NUS1: variants seen among roughly 807,000 people sequenced by gnomAD.
NUS1 encodes NUS1 dehydrodolichyl diphosphate synthase subunit.
For synonymous variants in NUS1, 135 were observed against 155.2 expected (o/e 0.87, Z 0.97); for missense variants, 292 against 382.9 (o/e 0.76, Z 1.98).
chr6:117,685,876 C>T (rs538367015), intron 1 of NUS1, among the ~76,000 whole-genome samples: 106 of 151,860 alleles, frequency 7.0e-4, no homozygotes, highest in African/African-American at 2.5e-3. Context: ...TCAGGAGAAT[C>T]ACTTGAACCC....
intron 3 of NUS1, among the ~76,000 whole-genome samples, chr6:117,696,835 A>G (rs77754070): frequency 3.3e-4 from 50 of 152,212 alleles, no homozygotes; most frequent in African/African-American, 1.1e-3. Flanking sequence ...TGAAGGTACA[A>G]CTCTCACTGG....
intron 1 of NUS1, 82 bp downstream of exon 1, chr6:117,676,167 A>G: frequency 6.5e-7 from 1 of 1,540,466 alleles, no homozygotes. Context: ...TGCCCATGGC[A>G]CGAGTTGCCG....
chr6:117,704,014 C>T (rs908014694), intron 4 of NUS1, among the ~76,000 whole-genome samples: 8 of 151,426 alleles, frequency 5.3e-5, no homozygotes, highest in African/African-American at 1.9e-4. Flanking sequence ...AGAGAAAAGG[C>T]GAGAAGGGGG....
intron 1 of NUS1, among the ~76,000 whole-genome samples, chr6:117,679,752 T>G (rs1773034010): frequency 6.6e-6 from 1 of 152,226 alleles, no homozygotes; most frequent in Admixed American, 6.5e-5. Flanking sequence ...GGCCAAAGGC[T>G]GAAGCTGAAA....
intron 3 of NUS1, among the ~76,000 whole-genome samples, chr6:117,701,847 GTTTT>G (rs1196887636): frequency 6.7e-6 from 1 of 149,040 alleles, no homozygotes. Flanking sequence ...CTCTGCTCAG[GTTTT>G]TTTTTATTTA....
chr6:117,676,049 G>A lies in NUS1; in HGVS notation c.379G>A (p.Val127Met). The change falls in exon 1 of 5, where the codon GTG becomes ATG. Residue 127 changes from valine (V) to methionine (M), a missense_variant. Coordinates refer to ENST00000368494, the MANE Select transcript of NUS1 (RefSeq NM_138459.5). ...IASLVVWCMA[V>M]GISYISVYDH... ...GAGCCTCGTGGTGTGGTGTATGGCC[G>A]TGGGCATCTCCTACATTAGCGTCTA... 6.4e-7 allele frequency: 1 copy of A among 1,550,610 alleles called. No homozygotes were observed. Among genetic ancestry groups the A allele is most frequent in the African/African-American group, 1.4e-5 (1 of 73,168 alleles).
At chr6:117,697,423 C>T (rs1292523802) in intron 3 of NUS1, among the ~76,000 whole-genome samples, 1 of 151,966 alleles carries the variant, frequency 6.6e-6, no homozygotes, top group Admixed American at 6.6e-5. Flanking sequence ...CACACTTCAC[C>T]TATAAAGACA....
Position 117,694,186 on chromosome 6 carries a change from T to C in NUS1, c.691+6T>C. ...TACGTTAGCCAGTTTACTTAGTAAG[T>C]TTTTTTATATATATATACATATATA... On this transcript the variant is annotated splice_donor_region_variant and intron_variant, in intron 3 of 4. Coordinates refer to ENST00000368494, the MANE Select transcript of NUS1 (RefSeq NM_138459.5). The C allele has an allele frequency of 6.6e-7, 1 of 1,522,046 alleles. No homozygotes were observed. Among genetic ancestry groups the C allele is most frequent in the Non-Finnish European group, 9.0e-7 (1 of 1,115,090 alleles). 94.3% of individuals were successfully genotyped at this position (1,522,046 alleles called of 1,614,324 possible). A position where few individuals can be genotyped will look rare whatever the true frequency, so the allele number is the denominator to read the frequency against.
rs1244540795 is a variant in NUS1 at position 117,710,146 on chromosome 6, C to A, written c.*3131C>A. 2 of 152,010 alleles carry A rather than the reference C, an allele frequency of 1.3e-5. No individual in the cohort carries two copies. The highest frequency in any genetic ancestry group is 2.4e-5 in the African/African-American group (1 of 41,420). The allele number at this position is 152,010 out of a possible 1,614,324, so 9.4% of individuals were successfully genotyped here. ...TCTTTTAAAAAGGAATTTGATAGTT[C>A]TTGTCAAATGAGAAAATTTAAAGGT... On this transcript the variant is annotated 3_prime_UTR_variant, in exon 5 of 5. Transcript: ENST00000368494.
chr6:117,710,303 C>T lies in NUS1; in HGVS notation c.*3288C>T, dbSNP rs1484614694. On this transcript the variant is annotated 3_prime_UTR_variant, in exon 5 of 5. Coordinates refer to ENST00000368494, the MANE Select transcript of NUS1 (RefSeq NM_138459.5). Reference sequence around the variant, plus strand: ...TTTACCAAAGGCAAATAACTGCTTACTAGGAACTTCCTTTAGCAAAAATTA... The same window carrying T: ...TTTACCAAAGGCAAATAACTGCTTATTAGGAACTTCCTTTAGCAAAAATTA... 1 of 151,948 alleles carries T rather than the reference C, an allele frequency of 6.6e-6. No homozygotes were observed. Among genetic ancestry groups the T allele is most frequent in the East Asian group, 1.9e-4 (1 of 5,188 alleles). 9.4% of individuals were successfully genotyped at this position (151,948 alleles called of 1,614,324 possible). A position where few individuals can be genotyped will look rare whatever the true frequency, so the allele number is the denominator to read the frequency against.
At position 117,695,405 on chromosome 6, in the gene NUS1, C is replaced by T. The variant is rs565409435; in HGVS notation, c.691+1225C>T. Among the ~76,000 whole-genome samples, 4 of 152,162 alleles carry T rather than the reference C, an allele frequency of 2.6e-5. No individual in the cohort carries two copies. In the East Asian group the frequency reaches 7.7e-4, roughly 29 times the overall value. On this transcript the variant is annotated intron_variant, in intron 3 of 4. Coordinates refer to ENST00000368494, the MANE Select transcript of NUS1 (RefSeq NM_138459.5). Reference sequence around the variant, plus strand: ...CTGTCATTGCCTAATTATATTCAGGCTCAGTGAGTAGTAGACCATTATGGG... The same window carrying T: ...CTGTCATTGCCTAATTATATTCAGGTTCAGTGAGTAGTAGACCATTATGGG...
At chr6:117,683,048 A>C (rs1215485276) in intron 1 of NUS1, among the ~76,000 whole-genome samples, 3 of 152,226 alleles carry the variant, frequency 2.0e-5, no homozygotes, top group Non-Finnish European at 4.4e-5. Context: ...ATTTAATGTT[A>C]TGGTGCTCCA....
chr6:117,705,407 A>C (rs1314072212), intron 4 of NUS1, among the ~76,000 whole-genome samples: 1 of 152,208 alleles, frequency 6.6e-6, no homozygotes, highest in South Asian at 2.1e-4. Flanking sequence ...CAAGTTATTT[A>C]AACTCTCTAT....
chr6:117,687,053 C>G (rs1163765905), intron 1 of NUS1, among the ~76,000 whole-genome samples: 1 of 152,084 alleles, frequency 6.6e-6, no homozygotes, highest in Non-Finnish European at 1.5e-5. Context: ...GAAACCATAC[C>G]TTTAAATTTT....
At chr6:117,683,351 A>G (rs1773090707) in intron 1 of NUS1, among the ~76,000 whole-genome samples, 1 of 152,164 alleles carries the variant, frequency 6.6e-6, no homozygotes, top group Non-Finnish European at 1.5e-5. Context: ...TTAATGGCCT[A>G]TGTATTTTGT....
intron 1 of NUS1, among the ~76,000 whole-genome samples, chr6:117,691,893 T>C (rs1773228081): frequency 6.6e-6 from 1 of 151,806 alleles, no homozygotes; most frequent in South Asian, 2.1e-4. Context: ...CTCTTTAATG[T>C]CAACATCTTT....
chr6:117,691,558 G>GATATATATATAGAT (rs1554201817), intron 1 of NUS1, among the ~76,000 whole-genome samples: 1 of 136,980 alleles, frequency 7.3e-6, no homozygotes, highest in Non-Finnish European at 1.6e-5. Flanking sequence ...CATAGATATA[G>GATATATATATAGAT]ATATATATAT....
In NUS1 at chr6:117,709,678, G is replaced by C. The variant is rs1444981837; in HGVS notation, c.*2663G>C. The C allele has an allele frequency of 6.6e-6, 1 of 152,410 alleles. No individual in the cohort carries two copies. The highest frequency in any genetic ancestry group is 1.5e-5 in the Non-Finnish European group (1 of 67,962). 9.4% of individuals were successfully genotyped at this position (152,410 alleles called of 1,614,324 possible). ...GTCAATCAAATCCTTGTGATGTTTT[G>C]TATGGACTTTGACAATATGTAAATA... On this transcript the variant is annotated 3_prime_UTR_variant, in exon 5 of 5. Transcript: ENST00000368494.
chr6:117,676,518 T>C (rs1772984294), intron 1 of NUS1, among the ~76,000 whole-genome samples: 1 of 152,090 alleles, frequency 6.6e-6, no homozygotes, highest in Non-Finnish European at 1.5e-5. Flanking sequence ...GCGGAGGTTG[T>C]GGTGAGCCGA....
Sources: gnomAD v4.1 joint callset for allele counts (sites outside exome capture counted in the v4.1 genomes callset) on GRCh38, gnomAD v4.1.1 for gene constraint, MANE v1.5 for transcripts, NCBI Gene and HGNC (gene_info 2026-07-23, HGNC 2026-07-21) for gene names.